Variants in MRAP2 observed in about 807,000 individuals in gnomAD.
The protein encoded by MRAP2 is melanocortin-2 receptor accessory protein 2.
In MRAP2, 20 loss-of-function variants were observed where a neutral mutation model predicts 17.4. The observed-to-expected ratio is 1.15, with a 90% CI of 0.81 to 1.67. The LOEUF (loss-of-function observed/expected upper bound fraction) is 1.67. Among genes scored for constraint, MRAP2 ranks in the 40% most tolerant of loss-of-function variants. The pLI is 0.00. For missense variants in MRAP2, 238 were observed against 240.0 expected (o/e 0.99, Z 0.05); for synonymous variants, 96 against 88.4 (o/e 1.09, Z -0.48).
chr6:84,134,951 CACACATAT>C, the MRAP2 span, among the ~76,000 whole-genome samples: 247 of 150,104 alleles, frequency 1.6e-3, 1 homozygote, highest in East Asian at 0.034. Flanking sequence ...CACACACACA[CACACATAT>C]ATAGTGTTAG....
At chr6:84,132,641 C>T in the MRAP2 span, among the ~76,000 whole-genome samples, 2 of 152,164 alleles carry the variant, frequency 1.3e-5, no homozygotes, top group Non-Finnish European at 2.9e-5. Flanking sequence ...GAATTGGCTA[C>T]TGAAGCTTGT....
the MRAP2 span, among the ~76,000 whole-genome samples, chr6:84,097,741 T>G: frequency 6.6e-6 from 1 of 152,320 alleles, no homozygotes; most frequent in Admixed American, 6.5e-5. Flanking sequence ...TATTCTTATA[T>G]TATTAATCAT....
intron 2 of MRAP2, among the ~76,000 whole-genome samples, chr6:84,057,084 C>T (rs1444284908): frequency 6.6e-6 from 1 of 152,176 alleles, no homozygotes; most frequent in South Asian, 2.1e-4. Context: ...TGATAAGTAG[C>T]AGCCCTTAGC....
chr6:84,034,096 C>T (rs2099485299), intron 1 of MRAP2, among the ~76,000 whole-genome samples: 2 of 152,060 alleles, frequency 1.3e-5, no homozygotes, highest in Admixed American at 1.3e-4. Flanking sequence ...AAGTTTAAAA[C>T]CTTCCCGGCA....
chr6:84,118,834 TAA>T, the MRAP2 span, among the ~76,000 whole-genome samples: 1 of 152,216 alleles, frequency 6.6e-6, no homozygotes, highest in Non-Finnish European at 1.5e-5. Context: ...TAAATATATT[TAA>T]GTCTTTAACC....
chr6:84,134,806 C>T, the MRAP2 span, among the ~76,000 whole-genome samples: 4 of 151,950 alleles, frequency 2.6e-5, no homozygotes, highest in Non-Finnish European at 5.9e-5. Context: ...TCTTGCCAGC[C>T]TCCCCCCCAC....
the MRAP2 span, among the ~76,000 whole-genome samples, chr6:84,114,308 A>C: frequency 6.6e-6 from 1 of 151,756 alleles, no homozygotes; most frequent in African/African-American, 2.4e-5. Flanking sequence ...TCTTGTTTTC[A>C]AACTTTATTT....
At chr6:84,126,257 G>T in the MRAP2 span, 15 of 602,616 alleles carry the variant, frequency 2.5e-5, no homozygotes, top group Middle Eastern at 1.4e-3. Context: ...TTTTTAACAA[G>T]ATCAAAATAC....
intron 2 of MRAP2, chr6:84,062,046 T>C: frequency 1.0e-6 from 1 of 985,458 alleles, no homozygotes; most frequent in African/African-American, 1.7e-5. Flanking sequence ...AATGAGAGCC[T>C]GAATTATCCA....
At chr6:84,066,061 T>A (rs2099494616) in intron 3 of MRAP2, among the ~76,000 whole-genome samples, 1 of 152,064 alleles carries the variant, frequency 6.6e-6, no homozygotes, top group Admixed American at 6.5e-5. Flanking sequence ...CTGTTTTCTC[T>A]GGAGATCCCT....
At chr6:84,130,043 C>G in the MRAP2 span, among the ~76,000 whole-genome samples, 3 of 152,130 alleles carry the variant, frequency 2.0e-5, no homozygotes, top group Non-Finnish European at 4.4e-5. Flanking sequence ...CCATCAATAC[C>G]TAGTTTGTTG....
intron 2 of MRAP2, among the ~76,000 whole-genome samples, chr6:84,056,323 C>T (rs2099491702): frequency 6.6e-6 from 1 of 152,200 alleles, no homozygotes; most frequent in Non-Finnish European, 1.5e-5. Context: ...TTAATTATTT[C>T]CTGGCTGCTT....
At chr6:84,079,247 C>A (rs1367078013) in intron 3 of MRAP2, among the ~76,000 whole-genome samples, 1 of 151,960 alleles carries the variant, frequency 6.6e-6, no homozygotes, top group Non-Finnish European at 1.5e-5. Context: ...TTGTCATATG[C>A]AACAATATAG....
chr6:84,067,010 T>C (rs1281113410), intron 3 of MRAP2, among the ~76,000 whole-genome samples: 1 of 152,098 alleles, frequency 6.6e-6, no homozygotes, highest in Non-Finnish European at 1.5e-5. Flanking sequence ...CTACACCATG[T>C]TTGTAGTCCT....
At chr6:84,052,763 G>A in intron 1 of MRAP2, 3 of 983,474 alleles carry the variant, frequency 3.1e-6, no homozygotes, top group Non-Finnish European at 3.6e-6. Context: ...TCATTCTGCA[G>A]AATGAGAACC....
At chr6:84,100,145 C>G in the MRAP2 span, among the ~76,000 whole-genome samples, 1 of 152,186 alleles carries the variant, frequency 6.6e-6, no homozygotes, top group African/African-American at 2.4e-5. Context: ...CAGACATGAG[C>G]CACCATACCC....
At chr6:84,099,862 C>CTTTTTTTTTTTTTTTTTTTTTT in the MRAP2 span, among the ~76,000 whole-genome samples, 1 of 145,474 alleles carries the variant, frequency 6.9e-6, no homozygotes. Context: ...TTCTCTCTCT[C>CTTTTTTTTTTTTTTTTTTTTTT]TTTTTTTTTT....
At chr6:84,101,172 T>A in the MRAP2 span, among the ~76,000 whole-genome samples, 1 of 152,190 alleles carries the variant, frequency 6.6e-6, no homozygotes, top group Non-Finnish European at 1.5e-5. Context: ...GATATTGATA[T>A]CTTTGGCTAG....
chr6:84,141,186 C>A, the MRAP2 span, among the ~76,000 whole-genome samples: 1 of 152,008 alleles, frequency 6.6e-6, no homozygotes, highest in Non-Finnish European at 1.5e-5. Context: ...GGGTTGGGGA[C>A]CCCTGGTCTA....
Sources: gnomAD v4.1 joint callset for allele counts (sites outside exome capture counted in the v4.1 genomes callset) on GRCh38, gnomAD v4.1.1 for gene constraint, MANE v1.5 for transcripts, NCBI Gene and HGNC (gene_info 2026-07-23, HGNC 2026-07-21) for gene names.